Variants in MORN1 observed in about 807,000 individuals in gnomAD.
MORN1 encodes MORN repeat containing 1, also known as MORN repeat-containing protein 1.
In MORN1, 67 loss-of-function variants were observed where a neutral mutation model predicts 61.9. The ratio of observed to expected loss-of-function variants is 1.08; its 90% CI spans 0.89 to 1.33. MORN1 has a LOEUF of 1.33. Among genes scored for constraint, MORN1 ranks in the 40% most tolerant of loss-of-function variants. The pLI, the probability that MORN1 is intolerant of heterozygous loss-of-function variation, is 0.00. For synonymous variants in MORN1, 301 were observed against 292.0 expected (o/e 1.03, Z -0.31); for missense variants, 752 against 691.2 (o/e 1.09, Z -0.99).
chr1:2,349,330 C>T (rs1469501531), intron 10 of MORN1, among the ~76,000 whole-genome samples: 3 of 152,190 alleles, frequency 2.0e-5, no homozygotes, highest in African/African-American at 7.2e-5. Context: ...GTGCTCCACC[C>T]GCCTGCCGAC....
At chr1:2,376,368 T>A (rs1642234817) in intron 6 of MORN1, 1 of 152,286 alleles carries the variant, frequency 6.6e-6, no homozygotes, top group Non-Finnish European at 1.5e-5. Flanking sequence ...GGGGCCCCCG[T>A]CACCGTCAGT....
At chr1:2,340,909 G>A (rs1220137894) in intron 10 of MORN1, among the ~76,000 whole-genome samples, 2 of 152,232 alleles carry the variant, frequency 1.3e-5, no homozygotes, top group African/African-American at 4.8e-5. Flanking sequence ...CATAGGCCAT[G>A]GCAAGGGCTG....
At chr1:2,382,009 C>T (rs1356823887) in intron 6 of MORN1, among the ~76,000 whole-genome samples, 5 of 152,186 alleles carry the variant, frequency 3.3e-5, no homozygotes, top group African/African-American at 1.2e-4. Context: ...TGGCCCAGGG[C>T]GCTGGTGACC....
At chr1:2,348,012 C>G (rs1042208221) in intron 10 of MORN1, among the ~76,000 whole-genome samples, 7 of 152,212 alleles carry the variant, frequency 4.6e-5, no homozygotes, top group Admixed American at 2.6e-4. Flanking sequence ...GGGCACGCCT[C>G]GGGGTCAGAC....
At chr1:2,379,582 A>C (rs1188488383) in intron 6 of MORN1, among the ~76,000 whole-genome samples, 1 of 152,148 alleles carries the variant, frequency 6.6e-6, no homozygotes, top group Admixed American at 6.5e-5. Flanking sequence ...GGTGGCCAGG[A>C]CTGGGGGAGA....
chr1:2,390,835 G>A (rs1433749746), intron 1 of MORN1: 2 of 759,134 alleles, frequency 2.6e-6, no homozygotes, highest in Non-Finnish European at 1.6e-6. Flanking sequence ...TGCAACCTCC[G>A]CTTCCTGGGT....
rs201023228 is a variant in MORN1, at chr1:2,359,861, C to A, written c.746-1146G>T. Among the ~76,000 whole-genome samples, 164 of 145,308 alleles carry A rather than the reference C, an allele frequency of 1.1e-3. 5 individuals carry two copies. In the East Asian group the frequency reaches 0.028, roughly 25 times the overall value. On this transcript the variant is annotated intron_variant, in intron 8 of 13. Transcript: ENST00000378531. ...TCATGCCACTGCACTCCAGCCAGGG[C>A]GACAGAGAGAGACTCCGTCTCAAAA...
chr1:2,358,823 A>G (rs1251536402), intron 8 of MORN1, 108 bp from the exon 9 acceptor site: 1 of 1,372,422 alleles, frequency 7.3e-7, no homozygotes, highest in African/African-American at 1.4e-5. Context: ...CAGCGGGGCC[A>G]CATTTGCCAG....
chr1:2,349,646 T>C (rs1641603954), intron 10 of MORN1, among the ~76,000 whole-genome samples: 1 of 152,222 alleles, frequency 6.6e-6, no homozygotes, highest in South Asian at 2.1e-4. Flanking sequence ...ACAATTAATA[T>C]TTAAAGCTGT....
chr1:2,348,373 T>C (rs532045643), intron 10 of MORN1, among the ~76,000 whole-genome samples: 1 of 151,922 alleles, frequency 6.6e-6, no homozygotes, highest in Non-Finnish European at 1.5e-5. Context: ...ACCAGTGGAG[T>C]CCACCGTGAG....
rs531508009 is a variant in MORN1, at chr1:2,332,030, C to T, written c.1250+4439G>A. ...GCCTCTCCCGCCGCTGCGCCTCTCC[C>T]GAAATTACAGGCTGGTGTGTCACTT... On this transcript the variant is annotated intron_variant, in intron 12 of 13. Transcript: ENST00000378531. 3.4e-3 allele frequency: 584 copies of T among 173,272 alleles called. 12 individuals are homozygous for T. Among genetic ancestry groups the T allele is most frequent in the African/African-American group, 3.5e-3 (144 of 41,640 alleles). The allele number at this position is 173,272 out of a possible 1,614,324, so 10.7% of individuals were successfully genotyped here.
chr1:2,379,835 G>T (rs1270160038), intron 6 of MORN1, among the ~76,000 whole-genome samples: 2 of 152,198 alleles, frequency 1.3e-5, no homozygotes, highest in African/African-American at 2.4e-5. Context: ...CAGCATGGCG[G>T]TTCCTCAAAA....
At chr1:2,324,211 C>G in intron 12 of MORN1, 68 bp from the exon 13 acceptor site, 1 of 1,498,474 alleles carries the variant, frequency 6.7e-7, no homozygotes, top group Non-Finnish European at 9.1e-7. Flanking sequence ...CATCCCTGAC[C>G]TGAACCAGGG....
chr1:2,361,402 C>A (rs188526015), intron 8 of MORN1, among the ~76,000 whole-genome samples: 24 of 152,034 alleles, frequency 1.6e-4, no homozygotes, highest in African/African-American at 5.5e-4. Context: ...ACTAAAAATA[C>A]AAAAAATTAG....
intron 10 of MORN1, chr1:2,351,515 C>T: frequency 5.6e-6 from 1 of 178,510 alleles, no homozygotes; most frequent in Non-Finnish European, 1.2e-5. Flanking sequence ...GCCATTCTCC[C>T]CTTCTCCTCC....
intron 10 of MORN1, among the ~76,000 whole-genome samples, chr1:2,346,270 A>C (rs1235643039): frequency 6.6e-6 from 1 of 152,234 alleles, no homozygotes; most frequent in East Asian, 1.9e-4. Context: ...AGTCAGGGAA[A>C]GGCCCCGGAA....
chr1:2,372,470 G>A lies in MORN1; in HGVS notation c.745+11C>T, dbSNP rs769764264. ...GGAAACGTTAGGTCATCTCCCCCTG[G>A]AGATGCTTACTCTTGGCAATTTCCC... On this transcript the variant is annotated intron_variant, in intron 8 of 13. Transcript: ENST00000378531. The surrounding 1 kb of genome is among the most constrained non-coding windows in gnomAD (Gnocchi z 5.4). 172 of 1,604,624 alleles carry A rather than the reference G, an allele frequency of 1.1e-4. No individual in the cohort carries two copies. Among genetic ancestry groups the A allele is most frequent in the Non-Finnish European group, 1.4e-4 (167 of 1,173,434 alleles).
intron 10 of MORN1, among the ~76,000 whole-genome samples, chr1:2,344,195 C>T (rs780680021): frequency 1.3e-5 from 2 of 152,198 alleles, no homozygotes; most frequent in Non-Finnish European, 2.9e-5. Context: ...TGCCCTCAGG[C>T]GGCCTTAGGG....
At chr1:2,322,096 G>A (rs1640894037) in intron 13 of MORN1, 1 of 985,312 alleles carries the variant, frequency 1.0e-6, no homozygotes, top group Non-Finnish European at 1.2e-6. Context: ...CCGCGCTGGG[G>A]CTCTCCGGGT....
Sources: gnomAD v4.1 joint callset for allele counts (sites outside exome capture counted in the v4.1 genomes callset) on GRCh38, gnomAD v4.1.1 for gene constraint, Gnocchi (gnomAD v3.1) non-coding constraint, MANE v1.5 for transcripts, NCBI Gene and HGNC (gene_info 2026-07-23, HGNC 2026-07-21) for gene names.